The following COL5A1 variants were observed in gnomAD, a reference collection of about 807,000 sequenced individuals.
COL5A1 encodes the protein collagen alpha-1(V) chain.
In COL5A1, 16 loss-of-function variants were observed where a neutral mutation model predicts 263.7. The observed-to-expected ratio is 0.06, with a 90% CI of 0.04 to 0.09. The LOEUF is 0.09. Ranked by LOEUF, COL5A1 falls within the 10% of genes least tolerant of loss-of-function variation. COL5A1 has a pLI of 1.00. For synonymous variants in COL5A1, 1,012 were observed against 1,004.5 expected, an observed-to-expected ratio of 1.01 and a Z score of -0.14; for missense variants, 2,036 against 2,540.5, an observed-to-expected ratio of 0.80 and a Z score of 4.27.
intron 11 of COL5A1, among the ~76,000 whole-genome samples, chr9:134,747,989 T>C (rs1564428972): frequency 1.6e-5 from 2 of 121,282 alleles, no homozygotes; most frequent in East Asian, 2.5e-4. Context: ...ACACATGCAT[T>C]CACACACACA....
chr9:134,714,519 G>T, intron 4 of COL5A1, among the ~76,000 whole-genome samples: 1 of 141,742 alleles, frequency 7.1e-6, no homozygotes, highest in Non-Finnish European at 1.5e-5. Flanking sequence ...AGGTGGTGAA[G>T]GTGGTGATGC....
intron 46 of COL5A1, 113 bp downstream of exon 46, chr9:134,811,712 A>AG: frequency 2.1e-6 from 2 of 946,200 alleles, no homozygotes; most frequent in Non-Finnish European, 1.7e-6. Context: ...GCCAGGCTGC[A>AG]GGGGGCCTCC....
At chr9:134,830,169 G>A in intron 64 of COL5A1, 125 bp downstream of exon 64, 3 of 1,610,022 alleles carry the variant, frequency 1.9e-6, no homozygotes, top group Non-Finnish European at 2.5e-6. Flanking sequence ...TACAAGCGGG[G>A]GTCCCTGGTA....
At chr9:134,805,838 A>T (rs562271730) in intron 41 of COL5A1, among the ~76,000 whole-genome samples, 1 of 149,946 alleles carries the variant, frequency 6.7e-6, no homozygotes, top group Non-Finnish European at 1.5e-5. Context: ...CTCTAGAGGG[A>T]AGGGGGTGCC....
At position 134,758,224 on chromosome 9, in the gene COL5A1, C is replaced by G; in HGVS notation, c.1882-19C>G. ...TGTGCAGGGTGGCGTCTGAGGCAGC[C>G]TTTCTGTCCTTTTTGCAGGGTGACC... On this transcript the variant is annotated intron_variant, in intron 17 of 65. Transcript: ENST00000371817. The surrounding 1 kb of genome is among the most constrained non-coding windows in gnomAD (Gnocchi z 4.1). 2.5e-6 allele frequency: 4 copies of G among 1,613,958 alleles called. No individual in the cohort carries two copies. The highest frequency in any genetic ancestry group is 3.4e-6 in the Non-Finnish European group (4 of 1,179,986).
intron 1 of COL5A1, among the ~76,000 whole-genome samples, chr9:134,684,400 C>A (rs1832949772): frequency 6.6e-6 from 1 of 152,246 alleles, no homozygotes; most frequent in South Asian, 2.1e-4. Context: ...AGCCACCTGG[C>A]TGCCAGCATT....
intron 60 of COL5A1, 53 bp from the exon 61 acceptor site, chr9:134,823,363 A>T: frequency 6.3e-7 from 1 of 1,597,328 alleles, no homozygotes; most frequent in Non-Finnish European, 8.6e-7. Flanking sequence ...AGGTGGATTC[A>T]AAGTCCCCTC....
chr9:134,650,428 G>T (rs779386045), intron 1 of COL5A1, among the ~76,000 whole-genome samples: 2 of 152,234 alleles, frequency 1.3e-5, no homozygotes, highest in Non-Finnish European at 2.9e-5. Flanking sequence ...GTGTCAGCAG[G>T]TTTGCTTGGC....
At chr9:134,762,542 T>C (rs1354573130) in intron 19 of COL5A1, among the ~76,000 whole-genome samples, 1 of 152,086 alleles carries the variant, frequency 6.6e-6, no homozygotes, top group Non-Finnish European at 1.5e-5. Context: ...CGTCTTCATG[T>C]GTGGAGGCGA....
At chr9:134,788,903 G>C (rs1837569850) in intron 31 of COL5A1, among the ~76,000 whole-genome samples, 1 of 147,440 alleles carries the variant, frequency 6.8e-6, no homozygotes, top group Admixed American at 6.8e-5. Flanking sequence ...TGGGTGGGTA[G>C]ACAGGTAGAC....
intron 1 of COL5A1, among the ~76,000 whole-genome samples, chr9:134,663,671 A>G (rs541845920): frequency 3.3e-5 from 5 of 152,258 alleles, no homozygotes; most frequent in Non-Finnish European, 7.3e-5. Flanking sequence ...CAGAGAAGAA[A>G]GTACAGAGGG....
Position 134,765,564 on chromosome 9 carries a change from G to T in COL5A1, c.2035-117G>T. On this transcript the variant is annotated intron_variant, in intron 20 of 65. Coordinates refer to ENST00000371817, the MANE Select transcript of COL5A1 (RefSeq NM_000093.5). The surrounding 1 kb of genome is among the most constrained non-coding windows in gnomAD (Gnocchi z 5.1). The stretch of plus-strand genomic sequence containing the variant: ...GGCCTCACTCCTGGGAGGCCAGGAG[G>T]CCTGAGTCACCAGCTGGGGTTCTGG... The T allele has an allele frequency of 1.1e-6, 1 of 887,868 alleles. No individual in the cohort carries two copies. Among genetic ancestry groups the T allele is most frequent in the Non-Finnish European group, 1.9e-6 (1 of 532,518 alleles). 55.0% of individuals were successfully genotyped at this position (887,868 alleles called of 1,614,324 possible).
intron 4 of COL5A1, among the ~76,000 whole-genome samples, chr9:134,718,716 C>G (rs1588468045): frequency 6.6e-6 from 1 of 152,190 alleles, no homozygotes; most frequent in Non-Finnish European, 1.5e-5. Flanking sequence ...GTGGGCAGCT[C>G]TGGGGTGGGG....
chr9:134,735,989 C>T (rs1372794545), intron 9 of COL5A1, among the ~76,000 whole-genome samples: 1 of 151,194 alleles, frequency 6.6e-6, no homozygotes, highest in African/African-American at 2.4e-5. Context: ...CCTGGCTGGA[C>T]ATCTGCGGCC....
intron 36 of COL5A1, among the ~76,000 whole-genome samples, chr9:134,798,083 TCC>T (rs1301982975): frequency 1.3e-5 from 2 of 152,124 alleles, no homozygotes; most frequent in Non-Finnish European, 2.9e-5. Context: ...CAGACTTGGG[TCC>T]TGGCACCGGC....
At chr9:134,822,969 G>C in intron 59 of COL5A1, 29 bp from the exon 60 acceptor site, 2 of 1,613,906 alleles carry the variant, frequency 1.2e-6, no homozygotes, top group Middle Eastern at 1.7e-4. Flanking sequence ...GACCCGGCTT[G>C]CTGACGTTCT....
chr9:134,835,096 C>T lies in COL5A1; in HGVS notation c.5262C>T (p.Asp1754=), dbSNP rs771317760. 3.6e-5 allele frequency: 58 copies of T among 1,613,534 alleles called. No homozygotes were observed. The highest frequency in any genetic ancestry group is 1.6e-4 in the Middle Eastern group (1 of 6,084). Residue 1754 remains aspartate (D), a synonymous_variant, in exon 65 of 66, where the codon GAC becomes GAT. Transcript: ENST00000371817. ...YHCYQSVAWQ[D]AATGSYDKAL... ...GCTACCAGTCAGTGGCCTGGCAGGACGCAGCCACGGGCAGCTACGACAAGG... is the reference window on the plus strand; with the variant it reads ...GCTACCAGTCAGTGGCCTGGCAGGATGCAGCCACGGGCAGCTACGACAAGG...
rs1459391583 is a variant in COL5A1 at position 134,652,278 on chromosome 9, G to C, written c.109+9982G>C. On this transcript the variant is annotated intron_variant, in intron 1 of 65. Coordinates refer to ENST00000371817, the MANE Select transcript of COL5A1 (RefSeq NM_000093.5). The surrounding 1 kb of genome is among the most constrained non-coding windows in gnomAD (Gnocchi z 4.4). ...CAGCTGAAGGTTGAGAACACACAGG[G>C]CGTCCTTGGGCCGGTGTGGCGGTAA... 6.6e-6 allele frequency among the ~76,000 whole-genome samples: 1 copy of C among 152,180 alleles called. No individual in the cohort carries two copies. Among genetic ancestry groups the C allele is most frequent in the Non-Finnish European group, 1.5e-5 (1 of 68,032 alleles).
chr9:134,734,812 G>A (rs1835039754), intron 9 of COL5A1, among the ~76,000 whole-genome samples: 1 of 152,208 alleles, frequency 6.6e-6, no homozygotes, highest in East Asian at 1.9e-4. Context: ...ACTTGACACT[G>A]TTTTTTGTTT....
Sources: gnomAD v4.1 joint callset for allele counts (sites outside exome capture counted in the v4.1 genomes callset) on GRCh38, gnomAD v4.1.1 for gene constraint, Gnocchi (gnomAD v3.1) non-coding constraint, MANE v1.5 for transcripts, NCBI Gene and HGNC (gene_info 2026-07-23, HGNC 2026-07-21) for gene names.